Variants in TPM3 observed in about 807,000 individuals in gnomAD.
TPM3 encodes the protein tropomyosin 3, also known as tropomyosin alpha-3 chain.
TPM3 carries 16 observed loss-of-function variants against 43.1 expected under a neutral mutation model. That is an observed-to-expected ratio of 0.37 (90% CI 0.25 to 0.56). The LOEUF (loss-of-function observed/expected upper bound fraction) is 0.56, where lower values mean the gene tolerates loss of function less well. Ranked by LOEUF, TPM3 falls within the 20% of genes least tolerant of loss-of-function variation. The pLI is 0.77. For synonymous variants in TPM3, 101 were observed against 116.9 expected (o/e 0.86, Z 0.88); for missense variants, 176 against 337.2 (o/e 0.52, Z 3.74).
chr1:154,175,321 ACT>A lies in TPM3; in HGVS notation c.377+792_377+793del, dbSNP rs1398470588. On this transcript the variant is annotated intron_variant, in intron 3 of 9. Transcript: ENST00000651641. Reference sequence around the variant, plus strand: ...ACTCCAGCCTGGGCTATAGAGCGAGACTCTGTCTCAAAAAAAAAAAAAAAAAA... The same window carrying A: ...ACTCCAGCCTGGGCTATAGAGCGAGACTGTCTCAAAAAAAAAAAAAAAAAA... 4.3e-5 allele frequency among the ~76,000 whole-genome samples: 5 copies of A among 117,468 alleles called. No individual in the cohort carries two copies. In the Admixed American group the frequency reaches 5.3e-4, roughly 12 times the overall value. The allele number at this position is 117,468 out of a possible 152,430, so 77.1% of individuals were successfully genotyped here.
chr1:154,171,965 AAAAACAAAAC>A, intron 5 of TPM3: 1 of 1,587,786 alleles, frequency 6.3e-7, no homozygotes, highest in Non-Finnish European at 8.6e-7. Flanking sequence ...GCTGCAAAAC[AAAAACAAAAC>A]AAAACAAAAC....
chr1:154,187,735 C>T (rs1281509558), intron 2 of TPM3, among the ~76,000 whole-genome samples: 2 of 151,462 alleles, frequency 1.3e-5, no homozygotes, highest in Non-Finnish European at 2.9e-5. Context: ...TCAGGTTAGA[C>T]TTGTTCTTTT....
chr1:154,190,028 G>T (rs576321873), intron 2 of TPM3, among the ~76,000 whole-genome samples: 1 of 151,702 alleles, frequency 6.6e-6, no homozygotes, highest in Admixed American at 6.6e-5. Context: ...TGCAGCCTCC[G>T]CCTCCTGGGT....
chr1:154,160,420 T>C (rs746324753), downstream of TPM3, among the ~76,000 whole-genome samples: 36 of 152,210 alleles, frequency 2.4e-4, no homozygotes, highest in Non-Finnish European at 3.7e-4. Flanking sequence ...GTCCCAGTAA[T>C]ACTTGCCACT....
chr1:154,191,298 A>T lies in TPM3; in HGVS notation c.131T>A (p.Leu44Gln), dbSNP rs1417272927. ...EERSKQLEDE[L>Q]AAMQKKLKGT... ...TTTCAGCTTCTTCTGCATGGCTGCC[A>T]GCTCATCCTCCAGCTATAGGAGCCC... is the stretch of plus-strand genomic sequence containing the variant. Residue 44 changes from leucine (L) to glutamine (Q), a missense_variant, in exon 2 of 10, where the codon CTG becomes CAG. Around this residue, in one of 4 missense-constraint regions of TPM3, gnomAD observed 82 missense variants for 148.8 expected, o/e 0.55. Transcript: ENST00000651641. The T allele has an allele frequency of 1.1e-5, 17 of 1,614,114 alleles. No homozygotes were observed. Among genetic ancestry groups the T allele is most frequent in the Non-Finnish European group, 1.4e-5 (17 of 1,180,028 alleles).
chr1:154,190,763 T>TG (rs1470787840), intron 2 of TPM3, among the ~76,000 whole-genome samples: 2 of 152,212 alleles, frequency 1.3e-5, no homozygotes, highest in Non-Finnish European at 2.9e-5. Context: ...CTGGTTTTGT[T>TG]GGACAGTTGA....
chr1:154,183,310 G>C lies in TPM3; in HGVS notation c.244-7062C>G, dbSNP rs537142893. ...GGGAAGGCAGTCCACTGGAGGGAGAGCCGCGGCAGGGAGTGGATCCTCCCA... is the reference window on the plus strand; with the variant it reads ...GGGAAGGCAGTCCACTGGAGGGAGACCCGCGGCAGGGAGTGGATCCTCCCA... On this transcript the variant is annotated intron_variant, in intron 2 of 9. Coordinates refer to ENST00000651641, the MANE Select transcript of TPM3 (RefSeq NM_152263.4). 3.3e-4 allele frequency: 495 copies of C among 1,481,890 alleles called. 8 individuals are homozygous for C. In the Admixed American group the frequency reaches 0.01, roughly 31 times the overall value. 91.8% of individuals were successfully genotyped at this position (1,481,890 alleles called of 1,614,324 possible).
chr1:154,170,583 T>C (rs1031673298), intron 7 of TPM3, 66 bp downstream of exon 7: 1 of 1,592,204 alleles, frequency 6.3e-7, no homozygotes, highest in African/African-American at 1.3e-5. Context: ...CCAGTTTAAA[T>C]CCATATTAAT....
intron 2 of TPM3, among the ~76,000 whole-genome samples, chr1:154,177,587 G>A (rs1443413966): frequency 6.6e-6 from 1 of 152,084 alleles, no homozygotes; most frequent in African/African-American, 2.4e-5. Context: ...AATTTAATAT[G>A]CCCCGCACAC....
downstream of TPM3, chr1:154,158,925 T>C: frequency 1.3e-6 from 1 of 778,438 alleles, no homozygotes; most frequent in Admixed American, 1.7e-5. Flanking sequence ...GTCAGTGGTG[T>C]GAGCAGTAAG....
chr1:154,183,292 C>G (rs1571443412), intron 2 of TPM3: 2 of 1,503,614 alleles, frequency 1.3e-6, no homozygotes, highest in Admixed American at 2.0e-5. Context: ...GGCGGGAAGG[C>G]AGTCCACTGG....
chr1:154,165,804 A>G lies in TPM3; in HGVS notation c.*2133T>C, dbSNP rs984379136. On this transcript the variant is annotated 3_prime_UTR_variant, in exon 10 of 10. Coordinates refer to ENST00000651641, the MANE Select transcript of TPM3 (RefSeq NM_152263.4). ...AACTCCGTCTCAAAAAAAAAAAAAA[A>G]AAGAAAAAAAGAAAAAAGTTTTAAC... is the stretch of plus-strand genomic sequence containing the variant. 6.6e-6 allele frequency among the ~76,000 whole-genome samples: 1 copy of G among 151,794 alleles called. No individual in the cohort carries two copies. Among genetic ancestry groups the G allele is most frequent in the Admixed American group, 6.6e-5 (1 of 15,234 alleles).
chr1:154,169,647 A>G (rs1661361472), intron 8 of TPM3: 4 of 561,918 alleles, frequency 7.1e-6, no homozygotes, highest in African/African-American at 5.7e-5. Flanking sequence ...AATTCCTATT[A>G]CCAAAAGCAC....
At chr1:154,178,956 G>A (rs1461417485) in intron 2 of TPM3, among the ~76,000 whole-genome samples, 2 of 152,186 alleles carry the variant, frequency 1.3e-5, no homozygotes, top group Non-Finnish European at 2.9e-5. Flanking sequence ...CCACTCCAAA[G>A]AGATTTCCCA....
chr1:154,186,780 T>C (rs1412287324), intron 2 of TPM3, among the ~76,000 whole-genome samples: 2 of 151,636 alleles, frequency 1.3e-5, no homozygotes, highest in African/African-American at 4.9e-5. Flanking sequence ...AAAACAAAGT[T>C]AGACAAATTT....
At chr1:154,168,883 T>C (rs1050507417) in intron 9 of TPM3, among the ~76,000 whole-genome samples, 2 of 151,152 alleles carry the variant, frequency 1.3e-5, no homozygotes, top group Non-Finnish European at 2.9e-5. Flanking sequence ...TTGCCCAGGC[T>C]GAAATGCAGT....
Position 154,176,119 on chromosome 1 carries a change from C to G in TPM3, c.373G>C (p.Glu125Gln). The change falls in exon 3 of 10, where the codon GAG (glutamate) becomes CAG (glutamine). Residue 125 changes from glutamate (E) to glutamine (Q), a missense_variant. Around this residue, in one of 4 missense-constraint regions of TPM3, gnomAD observed 82 missense variants for 148.8 expected, o/e 0.55. Transcript: ENST00000651641. The stretch of plus-strand genomic sequence containing the variant: ...CCATCAGGCTTCCCTACACACCTCT[C>G]ACTCTCATCAGCAGCTTTTTCAGCT... The part of the protein sequence containing the change: ...EEAEKAADES[E>Q]RGMKVIENRA... 6.2e-7 allele frequency: 1 copy of G among 1,613,638 alleles called. No individual in the cohort carries two copies. The highest frequency in any genetic ancestry group is 8.5e-7 in the Non-Finnish European group (1 of 1,180,032).
At chr1:154,183,443 C>T (rs915657984) in intron 2 of TPM3, among the ~76,000 whole-genome samples, 4 of 152,212 alleles carry the variant, frequency 2.6e-5, no homozygotes, top group Admixed American at 6.5e-5. Flanking sequence ...GTGCCCTAGC[C>T]TCTCCCGCCA....
chr1:154,182,866 C>T (rs1663118634), intron 2 of TPM3: 2 of 1,501,802 alleles, frequency 1.3e-6, no homozygotes, highest in South Asian at 1.1e-5. Context: ...TCCGAGATCC[C>T]AACTTCATCT....
Sources: gnomAD v4.1 joint callset for allele counts (sites outside exome capture counted in the v4.1 genomes callset) on GRCh38, gnomAD v4.1.1 for gene constraint, gnomAD v4.1.1 regional missense constraint, MANE v1.5 for transcripts, NCBI Gene and HGNC (gene_info 2026-07-23, HGNC 2026-07-21) for gene names.